TMEM132D: variants seen among roughly 807,000 people sequenced by gnomAD.
TMEM132D encodes transmembrane protein 132D.
Under a neutral mutation model 62.3 loss-of-function variants are expected in TMEM132D, and 21 were observed. The observed-to-expected ratio is 0.34, with a 90% CI of 0.24 to 0.49. The LOEUF is 0.49. TMEM132D is among the 20% of genes least tolerant of loss of function. The probability of loss-of-function intolerance (pLI) is 0.99; values close to 1 mark genes in which losing one functional copy is unlikely to be tolerated. For synonymous variants in TMEM132D, 621 were observed against 575.6 expected, an observed-to-expected ratio of 1.08 and a Z score of -1.13; for missense variants, 1,346 against 1,402.8, an observed-to-expected ratio of 0.96 and a Z score of 0.65.
At chr12:129,134,120 GTGTGTGTGTGTGTC>G (rs1191267451) in intron 5 of TMEM132D, among the ~76,000 whole-genome samples, 1 of 141,336 alleles carries the variant, frequency 7.1e-6, no homozygotes, top group Non-Finnish European at 1.5e-5. Context: ...TGTGTGTTGT[GTGTGTGTGTGTGTC>G]TGTGTGTGTG....
chr12:129,791,608 C>T (rs1871402649), intron 1 of TMEM132D, among the ~76,000 whole-genome samples: 2 of 152,036 alleles, frequency 1.3e-5, no homozygotes, highest in African/African-American at 2.4e-5. Context: ...ATTCGCTTCG[C>T]CCTCCAATCA....
intron 1 of TMEM132D, among the ~76,000 whole-genome samples, chr12:129,894,557 G>A (rs1053303469): frequency 3.3e-5 from 5 of 152,142 alleles, no homozygotes; most frequent in Admixed American, 6.5e-5. Context: ...AAGATAATTC[G>A]AAGCTTCATG....
In TMEM132D at chr12:129,073,275, T is replaced by A. The variant is rs932514728; in HGVS notation, c.*600A>T. ...TGTTAGCCCACATGTTCCCTTTCAG[T>A]CCTTGTCAGCCACTTCCTTGGCCTG... On this transcript the variant is annotated 3_prime_UTR_variant, in exon 9 of 9. Coordinates refer to ENST00000422113, the MANE Select transcript of TMEM132D (RefSeq NM_133448.3). 4 of 152,448 alleles carry A rather than the reference T, an allele frequency of 2.6e-5. No individual in the cohort carries two copies. The highest frequency in any genetic ancestry group is 9.6e-5 in the African/African-American group (4 of 41,460). The allele number at this position is 152,448 out of a possible 1,614,324, so 9.4% of individuals were successfully genotyped here. A position where few individuals can be genotyped will look rare whatever the true frequency, so the allele number is the denominator to read the frequency against.
chr12:129,874,315 C>G (rs1208394956), intron 1 of TMEM132D, among the ~76,000 whole-genome samples: 1 of 152,046 alleles, frequency 6.6e-6, no homozygotes. Flanking sequence ...GAGGCTGAGG[C>G]AGGAGAATCA....
intron 1 of TMEM132D, among the ~76,000 whole-genome samples, chr12:129,883,653 T>C (rs1874670187): frequency 6.6e-6 from 1 of 152,206 alleles, no homozygotes; most frequent in Non-Finnish European, 1.5e-5. Flanking sequence ...CAAGATGTCT[T>C]CTAAAGAAAA....
chr12:129,268,351 A>G (rs1880753845), intron 4 of TMEM132D, among the ~76,000 whole-genome samples: 1 of 152,180 alleles, frequency 6.6e-6, no homozygotes, highest in Non-Finnish European at 1.5e-5. Context: ...AAAAACAAAC[A>G]ACCCCATCAA....
At chr12:129,755,324 T>G (rs1870130723) in intron 1 of TMEM132D, among the ~76,000 whole-genome samples, 1 of 152,250 alleles carries the variant, frequency 6.6e-6, no homozygotes, top group East Asian at 1.9e-4. Flanking sequence ...ATAAGGTGCA[T>G]AAAATCTTTA....
rs1593141988 is a variant in TMEM132D at position 129,738,413 on chromosome 12, A to G, written c.80-37715T>C. On this transcript the variant is annotated intron_variant, in intron 1 of 8. Transcript: ENST00000422113. Reference sequence around the variant, plus strand: ...AAAAAAGAAAAGGAAAAAAGGAAGAAAGGAAGAGGGGGGAAGGAAAACAAA... The same window carrying G: ...AAAAAAGAAAAGGAAAAAAGGAAGAGAGGAAGAGGGGGGAAGGAAAACAAA... Among the ~76,000 whole-genome samples, 3 of 152,290 alleles carry G rather than the reference A, an allele frequency of 2.0e-5. No homozygotes were observed. In the South Asian group the frequency reaches 6.2e-4, roughly 32 times the overall value.
chr12:129,242,058 T>C (rs1374316577), intron 4 of TMEM132D, among the ~76,000 whole-genome samples: 1 of 152,184 alleles, frequency 6.6e-6, no homozygotes, highest in African/African-American at 2.4e-5. Flanking sequence ...GGGCACTTAG[T>C]GGCATTCATT....
At chr12:129,379,324 G>C (rs1342247435) in intron 3 of TMEM132D, among the ~76,000 whole-genome samples, 1 of 152,122 alleles carries the variant, frequency 6.6e-6, no homozygotes, top group African/African-American at 2.4e-5. Context: ...TGTCTCCTAG[G>C]AGACAGCAAC....
intron 1 of TMEM132D, among the ~76,000 whole-genome samples, chr12:129,892,506 C>T (rs1874958852): frequency 6.6e-6 from 1 of 152,046 alleles, no homozygotes; most frequent in African/African-American, 2.4e-5. Context: ...TTTCTCTCCT[C>T]CCCTCTTCCC....
intron 3 of TMEM132D, among the ~76,000 whole-genome samples, chr12:129,501,803 G>A (rs900814977): frequency 6.6e-5 from 10 of 152,010 alleles, no homozygotes; most frequent in Non-Finnish European, 1.2e-4. Context: ...ACCATGCCCC[G>A]CCAGCAGCAG....
At chr12:129,587,092 A>T (rs905603455) in intron 2 of TMEM132D, among the ~76,000 whole-genome samples, 1 of 152,090 alleles carries the variant, frequency 6.6e-6, no homozygotes, top group Non-Finnish European at 1.5e-5. Flanking sequence ...AGAGCAAAAC[A>T]TATCACTACA....
Position 129,539,365 on chromosome 12 carries a change from G to A in TMEM132D, c.969-8160C>T, listed in dbSNP as rs540921762. ...TCCCAGCTCAGCTTCCCAAGTAGCC[G>A]GGACTACAGGTGTGAGCCACCACAT... On this transcript the variant is annotated intron_variant, in intron 2 of 8. Transcript: ENST00000422113. 8.6e-5 allele frequency among the ~76,000 whole-genome samples: 13 copies of A among 151,250 alleles called. 1 individual carries two copies. Among genetic ancestry groups the A allele is most frequent in the South Asian group, 4.2e-4 (2 of 4,748 alleles).
chr12:129,725,891 G>T (rs1869016813), intron 1 of TMEM132D, among the ~76,000 whole-genome samples: 1 of 152,194 alleles, frequency 6.6e-6, no homozygotes, highest in South Asian at 2.1e-4. Flanking sequence ...TTCCCTAAAT[G>T]ATAAGAGTGG....
chr12:129,721,679 G>A (rs1194046765), intron 1 of TMEM132D, among the ~76,000 whole-genome samples: 3 of 152,146 alleles, frequency 2.0e-5, no homozygotes, highest in Non-Finnish European at 4.4e-5. Context: ...GACCATAGGG[G>A]CATGGGAGGC....
chr12:129,428,799 T>A (rs1872568118), intron 3 of TMEM132D, among the ~76,000 whole-genome samples: 1 of 152,214 alleles, frequency 6.6e-6, no homozygotes, highest in South Asian at 2.1e-4. Flanking sequence ...AACCATGAAT[T>A]AATATCACGA....
intron 1 of TMEM132D, among the ~76,000 whole-genome samples, chr12:129,900,557 AG>A (rs1334419692): frequency 2.0e-5 from 3 of 152,234 alleles, no homozygotes. Flanking sequence ...ATAACTGGGA[AG>A]GATGCACGTG....
chr12:129,665,511 T>C (rs899075308), intron 2 of TMEM132D, among the ~76,000 whole-genome samples: 1 of 151,846 alleles, frequency 6.6e-6, no homozygotes, highest in Non-Finnish European at 1.5e-5. Flanking sequence ...TAGGCTTTTT[T>C]TTTTCAGTCA....
Sources: allele counts gnomAD v4.1 joint callset (sites outside exome capture counted in the v4.1 genomes callset), GRCh38; gene constraint gnomAD v4.1.1; transcripts MANE v1.5; gene names NCBI Gene and HGNC (gene_info 2026-07-23, HGNC 2026-07-21).